The following PRKG1 variants were observed in gnomAD, a reference collection of about 807,000 sequenced individuals.
PRKG1 encodes the protein cGMP-dependent protein kinase 1.
In PRKG1, 35 loss-of-function variants were observed where a neutral mutation model predicts 88.1. The observed-to-expected ratio is 0.40, with a 90% confidence interval of 0.30 to 0.53. The LOEUF is 0.53. Ranked by LOEUF, PRKG1 falls within the 20% of genes least tolerant of loss-of-function variation. PRKG1 has a pLI of 0.59. For missense variants in PRKG1, 540 were observed against 839.8 expected (o/e 0.64, Z 4.41); for synonymous variants, 303 against 292.5 (o/e 1.04, Z -0.37).
chr10:51,405,011 T>G (rs1837867776), intron 2 of PRKG1, among the ~76,000 whole-genome samples: 1 of 152,216 alleles, frequency 6.6e-6, no homozygotes. Context: ...GTAAACATTT[T>G]GATTTTGATT....
At chr10:51,339,427 C>G (rs950602441) in intron 2 of PRKG1, among the ~76,000 whole-genome samples, 3 of 152,054 alleles carry the variant, frequency 2.0e-5, no homozygotes, top group Non-Finnish European at 2.9e-5. Flanking sequence ...AGAAATCATG[C>G]AATTTTCAAG....
rs116594869 is a variant in PRKG1 at position 51,620,097 on chromosome 10, A to G, written c.592+152261A>G. The stretch of plus-strand genomic sequence containing the variant: ...ATGCTGTTTTCCCCCTTACACCTCA[A>G]CAAACACTAATATATTTAATTTTAT... On this transcript the variant is annotated intron_variant, in intron 3 of 17. Transcript: ENST00000373980. 2.0e-3 allele frequency among the ~76,000 whole-genome samples: 297 copies of G among 152,226 alleles called. 1 individual carries two copies. The highest frequency in any genetic ancestry group is 6.7e-3 in the African/African-American group (280 of 41,556).
intron 2 of PRKG1, among the ~76,000 whole-genome samples, chr10:51,433,142 G>A (rs183887225): frequency 5.7e-4 from 87 of 152,226 alleles, no homozygotes; most frequent in Non-Finnish European, 9.9e-4. Flanking sequence ...AATGGTTGGG[G>A]AGGGAGTCTG....
chr10:51,033,405 C>T (rs987649535), intron 1 of PRKG1, among the ~76,000 whole-genome samples: 2 of 152,162 alleles, frequency 1.3e-5, no homozygotes, highest in South Asian at 2.1e-4. Flanking sequence ...CTGTGTCTCA[C>T]AGCTAGTAAG....
intron 3 of PRKG1, among the ~76,000 whole-genome samples, chr10:51,787,642 G>T (rs1937658): frequency 0.1 from 15,832 of 152,098 alleles, 906 homozygotes; most frequent in African/African-American, 0.15. Context: ...ATTCTCAAAT[G>T]GTGCGAGCAA....
At position 51,602,539 on chromosome 10, in the gene PRKG1, C is replaced by A. The variant is rs577536302; in HGVS notation, c.592+134703C>A. 2.6e-5 allele frequency among the ~76,000 whole-genome samples: 4 copies of A among 151,896 alleles called. No individual in the cohort carries two copies. The South Asian group carries it at 8.3e-4, about 32-fold the overall frequency. On this transcript the variant is annotated intron_variant, in intron 3 of 17. Transcript: ENST00000373980. Reference sequence around the variant, plus strand: ...GACTCACTGCAGCCTTGACCTCCTGCGTCAGCCTCGTGAGTAGCTGGAACC... The same window carrying A: ...GACTCACTGCAGCCTTGACCTCCTGAGTCAGCCTCGTGAGTAGCTGGAACC...
chr10:51,889,425 T>A (rs562313796), intron 4 of PRKG1, among the ~76,000 whole-genome samples: 3 of 152,242 alleles, frequency 2.0e-5, no homozygotes, highest in African/African-American at 4.8e-5. Context: ...TTCCATGGTG[T>A]ATATGTGCCA....
chr10:51,951,058 CATT>C (rs1301309945), intron 5 of PRKG1, among the ~76,000 whole-genome samples: 1 of 152,170 alleles, frequency 6.6e-6, no homozygotes, highest in Non-Finnish European at 1.5e-5. Context: ...GGATAAAAGG[CATT>C]ATTCAGAAAA....
chr10:51,230,682 C>T (rs963895486), intron 2 of PRKG1, among the ~76,000 whole-genome samples: 2 of 152,018 alleles, frequency 1.3e-5, no homozygotes, highest in African/African-American at 4.8e-5. Flanking sequence ...TTATGCACAT[C>T]CTACCATATA....
chr10:51,719,189 A>G (rs936509620), intron 3 of PRKG1, among the ~76,000 whole-genome samples: 1 of 151,862 alleles, frequency 6.6e-6, no homozygotes, highest in Non-Finnish European at 1.5e-5. Context: ...TCCAAGCAGT[A>G]AATATAGATC....
chr10:52,161,176 C>A (rs567338540), intron 8 of PRKG1, among the ~76,000 whole-genome samples: 1 of 152,100 alleles, frequency 6.6e-6, no homozygotes, highest in Non-Finnish European at 1.5e-5. Flanking sequence ...ATAATATTTA[C>A]AATTTTAGTG....
At chr10:51,489,767 G>C (rs1840657087) in intron 3 of PRKG1, among the ~76,000 whole-genome samples, 1 of 152,058 alleles carries the variant, frequency 6.6e-6, no homozygotes, top group South Asian at 2.1e-4. Flanking sequence ...AACAAAATTG[G>C]ATGATGCTTA....
chr10:52,185,875 G>A (rs1467367860), intron 9 of PRKG1, among the ~76,000 whole-genome samples: 1 of 152,188 alleles, frequency 6.6e-6, no homozygotes, highest in African/African-American at 2.4e-5. Flanking sequence ...GAGCAGCCAG[G>A]ATGCAAAGAG....
chr10:52,166,376 T>A (rs186413220), intron 9 of PRKG1, among the ~76,000 whole-genome samples: 1 of 152,038 alleles, frequency 6.6e-6, no homozygotes, highest in East Asian at 1.9e-4. Context: ...TTTCACTATT[T>A]GGTTCTAAGA....
chr10:51,357,465 C>T (rs1376199336), intron 2 of PRKG1, among the ~76,000 whole-genome samples: 1 of 151,966 alleles, frequency 6.6e-6, no homozygotes, highest in African/African-American at 2.4e-5. Flanking sequence ...GCACACCCTT[C>T]TCTGAAATCT....
chr10:52,022,407 C>T (rs1425745344), intron 5 of PRKG1, among the ~76,000 whole-genome samples: 1 of 152,122 alleles, frequency 6.6e-6, no homozygotes, highest in Non-Finnish European at 1.5e-5. Flanking sequence ...TTTACATTTA[C>T]AGTGTTGCAG....
chr10:51,570,146 A>G (rs1837713297), intron 3 of PRKG1, among the ~76,000 whole-genome samples: 1 of 150,600 alleles, frequency 6.6e-6, no homozygotes. Flanking sequence ...ATGTATGTAT[A>G]TACATACAGT....
intron 3 of PRKG1, among the ~76,000 whole-genome samples, chr10:51,761,917 T>A (rs1838031423): frequency 6.6e-6 from 1 of 152,230 alleles, no homozygotes; most frequent in Admixed American, 6.5e-5. Flanking sequence ...AAAAGATTTT[T>A]ACATAGTAAA....
chr10:51,860,127 A>T (rs997595008), intron 4 of PRKG1, among the ~76,000 whole-genome samples: 1 of 152,192 alleles, frequency 6.6e-6, no homozygotes, highest in Non-Finnish European at 1.5e-5. Flanking sequence ...CCCTAAAGGC[A>T]TACATATACT....
Sources: gnomAD v4.1 joint callset for allele counts (sites outside exome capture counted in the v4.1 genomes callset) on GRCh38, gnomAD v4.1.1 for gene constraint, MANE v1.5 for transcripts, NCBI Gene and HGNC (gene_info 2026-07-23, HGNC 2026-07-21) for gene names.